TULP2: variants seen among roughly 807,000 people sequenced by gnomAD.
The protein encoded by TULP2 is tubby-related protein 2.
TULP2 carries 64 observed loss-of-function variants against 60.3 expected under a neutral mutation model. The ratio of observed to expected loss-of-function variants is 1.06; its 90% CI spans 0.87 to 1.31. The LOEUF (loss-of-function observed/expected upper bound fraction) is 1.31. TULP2 is among the 50% of genes most tolerant of loss of function. TULP2 has a pLI of 0.00. For missense variants in TULP2, 652 were observed against 667.0 expected (o/e 0.98, Z 0.25); for synonymous variants, 267 against 265.4 (o/e 1.01, Z -0.06).
At chr19:48,894,632 C>T (rs2037261890) in intron 6 of TULP2, among the ~76,000 whole-genome samples, 1 of 150,374 alleles carries the variant, frequency 6.7e-6, no homozygotes, top group Non-Finnish European at 1.5e-5. Flanking sequence ...CAGAGTGAGA[C>T]TCCCTCCCAA....
In TULP2 at chr19:48,881,051, G is replaced by A. The variant is rs534480743; in HGVS notation, c.1523C>T (p.Pro508Leu). 1.8e-4 allele frequency: 285 copies of A among 1,613,942 alleles called. 4 individuals carry two copies. The South Asian group carries it at 2.8e-3, about 16-fold the overall frequency. ...FTMDFCFPFS[P>L]LQAFSICLSS... is the part of the protein sequence containing the mutation. ...CAAGCAGATGCTGAAGGCCTGGAGC[G>A]GGCTAAATGGAAAGCAGAAGTCCAT... The change falls in exon 13 of 13, where the codon CCG (proline) becomes CTG (leucine). Residue 508 changes from proline (P) to leucine (L), a missense_variant. Pro to Leu is a moderately conservative substitution (Grantham distance 98). Transcript: ENST00000221399.
intron 12 of TULP2, 111 bp downstream of exon 12, chr19:48,881,921 C>A: frequency 7.0e-7 from 1 of 1,437,856 alleles, no homozygotes. Context: ...AGGGTGGCAT[C>A]TGCCCTGCCT....
At chr19:48,894,014 A>G (rs1347575086) in intron 6 of TULP2, among the ~76,000 whole-genome samples, 2 of 152,060 alleles carry the variant, frequency 1.3e-5, no homozygotes, top group African/African-American at 2.4e-5. Context: ...AAACAACAAG[A>G]TGACAATAAA....
In TULP2 at chr19:48,896,703, C is replaced by G. The variant is rs1367833260; in HGVS notation, c.85-147G>C. 4 of 922,082 alleles carry G rather than the reference C, an allele frequency of 4.3e-6. No homozygotes were observed. In the African/African-American group the frequency reaches 6.9e-5, roughly 16 times the overall value. The allele number at this position is 922,082 out of a possible 1,614,324, so 57.1% of individuals were successfully genotyped here. A position where few individuals can be genotyped will look rare whatever the true frequency, so the allele number is the denominator to read the frequency against. ...GGCCCACACGTCCAGGCCCTCAGTT[C>G]TTCAGCAGCTCCTCCCTTATTCCAC... On this transcript the variant is annotated intron_variant, in intron 3 of 12. Transcript: ENST00000221399.
At chr19:48,887,909 T>TG in intron 8 of TULP2, 41 bp downstream of exon 8, 1 of 1,578,758 alleles carries the variant, frequency 6.3e-7, no homozygotes, top group Non-Finnish European at 8.6e-7. Context: ...GCCTGGGAGG[T>TG]GGGGGCTTAC....
At chr19:48,890,211 C>T (rs374757551) in intron 6 of TULP2, among the ~76,000 whole-genome samples, 1 of 152,222 alleles carries the variant, frequency 6.6e-6, no homozygotes, top group African/African-American at 2.4e-5. Flanking sequence ...AGGGAAAAAC[C>T]GCCTTCGGGC....
chr19:48,893,460 T>C (rs11669382), intron 6 of TULP2, among the ~76,000 whole-genome samples: 32 of 151,606 alleles, frequency 2.1e-4, no homozygotes, highest in Non-Finnish European at 3.5e-4. Context: ...ATGTACAGAA[T>C]AGCCAAATCT....
At chr19:48,885,755 C>T (rs552506563) in intron 8 of TULP2, among the ~76,000 whole-genome samples, 195 bp from the exon 9 acceptor site, 65 of 150,810 alleles carry the variant, frequency 4.3e-4, no homozygotes, top group Admixed American at 9.2e-4. Flanking sequence ...CGTGGTAGTG[C>T]GTGCCTATAG....
chr19:48,896,361 T>C, intron 4 of TULP2, 69 bp downstream of exon 4: 1 of 1,492,562 alleles, frequency 6.7e-7, no homozygotes, highest in Non-Finnish European at 8.9e-7. Context: ...CTTCATCCAC[T>C]AGGCCCCGCC....
At position 48,898,695 on chromosome 19, in the gene TULP2, A is replaced by C. The variant is rs55981795; in HGVS notation, c.-107T>G. 16,214 of 152,044 alleles carry C rather than the reference A, an allele frequency of 0.11. 1,181 individuals carry two copies. The highest frequency in any genetic ancestry group is 0.16 in the Non-Finnish European group (10,815 of 67,990). 9.4% of individuals were successfully genotyped at this position (152,044 alleles called of 1,614,324 possible). On this transcript the variant is annotated 5_prime_UTR_variant, in exon 1 of 13. Coordinates refer to ENST00000221399, the MANE Select transcript of TULP2 (RefSeq NM_003323.3). ...AGGGAGGATTCCCTCTGGGACCTGA[A>C]CTGGTCCACTCCCTTCTGACCCTCC...
rs957667357 is a variant in TULP2, at chr19:48,887,201, C to T, written c.948+749G>A. On this transcript the variant is annotated intron_variant, in intron 8 of 12. Transcript: ENST00000221399. ...TAACTTTTGTATTTTTTAGTAGAGA[C>T]GATGTTTCGCCTTGTTGGCCAGGCT... Among the ~76,000 whole-genome samples, 12 of 149,744 alleles carry T rather than the reference C, an allele frequency of 8.0e-5. No individual in the cohort carries two copies. The East Asian group carries it at 1.8e-3, about 22-fold the overall frequency.
At chr19:48,885,112 GC>G (rs2037168008) in intron 9 of TULP2, among the ~76,000 whole-genome samples, 1 of 151,762 alleles carries the variant, frequency 6.6e-6, no homozygotes, top group Non-Finnish European at 1.5e-5. Flanking sequence ...TGTTGGCCAG[GC>G]TGGTCTCAAG....
chr19:48,884,908 C>CTT lies in TULP2; in HGVS notation c.1061+538_1061+539dup, dbSNP rs745788084. On this transcript the variant is annotated intron_variant, in intron 9 of 12. Coordinates refer to ENST00000221399, the MANE Select transcript of TULP2 (RefSeq NM_003323.3). ...ATTTAAAGGGCCCTTTAGGAACCCT[C>CTT]TTTTTTTTTTTTTTTTTTTTTTTTT... Among the ~76,000 whole-genome samples the CTT allele has an allele frequency of 6.4e-3, 621 of 97,356 alleles. 56 individuals carry two copies. The highest frequency in any genetic ancestry group is 0.022 in the African/African-American group (533 of 24,276). The allele number at this position is 97,356 out of a possible 152,430, so 63.9% of individuals were successfully genotyped here.
chr19:48,888,006 C>T lies in TULP2; in HGVS notation c.892G>A (p.Asp298Asn), dbSNP rs746737325. 62 of 1,614,046 alleles carry T rather than the reference C, an allele frequency of 3.8e-5. No homozygotes were observed. The highest frequency in any genetic ancestry group is 5.1e-5 in the Non-Finnish European group (60 of 1,180,034). The part of the protein sequence containing the change: ...CYLTRDKHGV[D>N]KGLFPLYYLY... ...TAGTAGAGGGGGAACAAGCCCTTGT[C>T]CACGCCGTGCTTGTCACGGGTGAGG... The change falls in exon 8 of 13, where the codon GAC becomes AAC. Residue 298 changes from aspartate to asparagine, a missense_variant. Transcript: ENST00000221399.
chr19:48,889,642 GA>G lies in TULP2; in HGVS notation c.515-12del. ...CCTCTGCACGGGTCCCTAATGTGGG[GA>G]AAAGCAAGAGAGATCAGATTGTTAC... On this transcript the variant is annotated splice_polypyrimidine_tract_variant and intron_variant, in intron 6 of 12. Coordinates refer to ENST00000221399, the MANE Select transcript of TULP2 (RefSeq NM_003323.3). 1 of 1,570,720 alleles carries G rather than the reference GA, an allele frequency of 6.4e-7. No homozygotes were observed. Among genetic ancestry groups the G allele is most frequent in the Non-Finnish European group, 8.7e-7 (1 of 1,149,194 alleles).
At chr19:48,887,512 C>T (rs1396268647) in intron 8 of TULP2, among the ~76,000 whole-genome samples, 3 of 150,796 alleles carry the variant, frequency 2.0e-5, no homozygotes, top group Non-Finnish European at 4.4e-5. Context: ...TTTGTAAAGA[C>T]GGGGTTTTGC....
rs778800334 is a variant in TULP2 at position 48,885,481 on chromosome 19, G to A, written c.1028C>T (p.Ser343Phe). 6.2e-7 allele frequency: 1 copy of A among 1,614,088 alleles called. No individual in the cohort carries two copies. Among genetic ancestry groups the A allele is most frequent in the South Asian group, 1.1e-5 (1 of 91,080 alleles). Residue 343 changes from serine to phenylalanine, a missense_variant, in exon 9 of 13, where the codon TCT (serine) becomes TTT (phenylalanine). By Grantham distance (155) the Ser-to-Phe change is radical (BLOSUM62 -2). Coordinates refer to ENST00000221399, the MANE Select transcript of TULP2 (RefSeq NM_003323.3). ...GCCCACGAAATTGTCCCCGTCCCGA[G>A]ATAGGTGTGTAGGATCCAGGGAGAT... Reference protein sequence around the residue: ...YLISLDPTHLSRDGDNFVGKV... With the variant: ...YLISLDPTHLFRDGDNFVGKV...
chr19:48,881,635 G>T (rs1472156962), intron 12 of TULP2, among the ~76,000 whole-genome samples: 1 of 151,842 alleles, frequency 6.6e-6, no homozygotes, highest in Non-Finnish European at 1.5e-5. Flanking sequence ...GCCCGCCTCG[G>T]CCTCCCAAAG....
At chr19:48,889,964 G>C (rs2037217517) in intron 6 of TULP2, among the ~76,000 whole-genome samples, 2 of 152,194 alleles carry the variant, frequency 1.3e-5, no homozygotes, top group South Asian at 4.1e-4. Flanking sequence ...AGGAAAGCCA[G>C]GTATTGTCCA....
Sources: allele counts gnomAD v4.1 joint callset (sites outside exome capture counted in the v4.1 genomes callset), GRCh38; gene constraint gnomAD v4.1.1; transcripts MANE v1.5; gene names NCBI Gene and HGNC (gene_info 2026-07-23, HGNC 2026-07-21).